SCNN1D: variants seen among roughly 807,000 people sequenced by gnomAD.
SCNN1D encodes epithelial sodium channel subunit delta.
In SCNN1D, 104 loss-of-function variants were observed where a neutral mutation model predicts 87.8. The observed-to-expected ratio is 1.18, with a 90% CI of 1.01 to 1.39. The LOEUF is 1.39. Ranked by LOEUF, SCNN1D falls within the 40% of genes most tolerant of loss-of-function variation. The pLI, the probability that SCNN1D is intolerant of heterozygous loss-of-function variation, is 0.00. For missense variants in SCNN1D, 1,324 were observed against 1,093.9 expected, an observed-to-expected ratio of 1.21 and a Z score of -2.97; for synonymous variants, 628 against 481.2, an observed-to-expected ratio of 1.31 and a Z score of -3.99.
In SCNN1D at chr1:1,285,921, C is replaced by G. The variant is rs764580272; in HGVS notation, c.559-5C>G. ...CGGGCCCTGCTGAGGCCACTCTGCA[C>G]ACAGGCTGCAGCCCAGACGCCCCCC... On this transcript the variant is annotated splice_polypyrimidine_tract_variant and splice_region_variant and intron_variant, in intron 6 of 17. Coordinates refer to ENST00000379116, the MANE Select transcript of SCNN1D (RefSeq NM_001130413.4). 3 of 1,542,274 alleles carry G rather than the reference C, an allele frequency of 1.9e-6. No homozygotes were observed. In the Admixed American group the frequency reaches 5.3e-5, roughly 27 times the overall value.
Position 1,291,254 on chromosome 1 carries a change from G to A in SCNN1D, c.2053G>A (p.Val685Met), listed in dbSNP as rs760272792. The A allele has an allele frequency of 3.8e-6, 6 of 1,559,282 alleles. No individual in the cohort carries two copies. The African/African-American group carries it at 8.2e-5, about 21-fold the overall frequency. The change falls in exon 18 of 18, where the codon GTG (valine) becomes ATG (methionine). Residue 685 changes from valine to methionine, a missense_variant and splice_region_variant. Val to Met is a conservative substitution (Grantham distance 21). Coordinates refer to ENST00000379116, the MANE Select transcript of SCNN1D (RefSeq NM_001130413.4). The part of the protein sequence containing the change: ...RSVEEAPVYS[V>M]PQLLSAMGSL... ...CCTCACACCCGCACCCCACCCGCAGGTGCCGCAGCTGCTCTCGGCCATGGG... is the reference window on the plus strand; with the variant it reads ...CCTCACACCCGCACCCCACCCGCAGATGCCGCAGCTGCTCTCGGCCATGGG...
Position 1,285,696 on chromosome 1 carries a change from T to C in SCNN1D, c.558+32T>C, listed in dbSNP as rs1376904523. Reference sequence around the variant, plus strand: ...CCTGAGCACCCTGTTCTCTGAGTCCTGCTGCCCCAGCAGCCCAAACTCAAA... The same window carrying C: ...CCTGAGCACCCTGTTCTCTGAGTCCCGCTGCCCCAGCAGCCCAAACTCAAA... On this transcript the variant is annotated intron_variant, in intron 6 of 17. Coordinates refer to ENST00000379116, the MANE Select transcript of SCNN1D (RefSeq NM_001130413.4). The C allele has an allele frequency of 4.7e-6, 7 of 1,474,896 alleles. No homozygotes were observed. The African/African-American group carries it at 8.5e-5, about 18-fold the overall frequency. 91.4% of individuals were successfully genotyped at this position (1,474,896 alleles called of 1,614,324 possible). A position where few individuals can be genotyped will look rare whatever the true frequency, so the allele number is the denominator to read the frequency against.
At chr1:1,281,894 C>G in intron 3 of SCNN1D, 1 of 568,384 alleles carries the variant, frequency 1.8e-6, no homozygotes, top group Admixed American at 3.4e-5. Flanking sequence ...CAGGCCACTC[C>G]CGGGGACACA....
At chr1:1,282,508 C>T (rs1640489317) in intron 4 of SCNN1D, among the ~76,000 whole-genome samples, 193 bp downstream of exon 4, 1 of 152,122 alleles carries the variant, frequency 6.6e-6, no homozygotes, top group South Asian at 2.1e-4. Context: ...ATCTAGGGTC[C>T]CACAGTAGAC....
chr1:1,290,496 C>T lies in SCNN1D; in HGVS notation c.1800C>T (p.Leu600=). Reference sequence around the variant, plus strand: ...CCCAAGGACACTGCTTCTACCGCCTCTACCAGGACCTGGAGACCCACCGGC... The same window carrying T: ...CCCAAGGACACTGCTTCTACCGCCTTTACCAGGACCTGGAGACCCACCGGC... ...HPAWGHCFYR[L]YQDLETHRLP... Residue 600 remains leucine, a synonymous_variant, in exon 14 of 18, where the codon CTC becomes CTT. Coordinates refer to ENST00000379116, the MANE Select transcript of SCNN1D (RefSeq NM_001130413.4). 6.2e-7 allele frequency: 1 copy of T among 1,612,724 alleles called. No individual in the cohort carries two copies. The highest frequency in any genetic ancestry group is 8.5e-7 in the Non-Finnish European group (1 of 1,179,918).
chr1:1,286,684 C>A, intron 7 of SCNN1D, 84 bp from the exon 8 acceptor site: 1 of 1,335,206 alleles, frequency 7.5e-7, no homozygotes, highest in Non-Finnish European at 1.0e-6. Context: ...GGAGGCACTG[C>A]TGTCCCGACA....
At chr1:1,284,316 A>G (rs1247517129) in intron 5 of SCNN1D, among the ~76,000 whole-genome samples, 1 of 52,386 alleles carries the variant, frequency 1.9e-5, no homozygotes, top group African/African-American at 7.8e-5. Flanking sequence ...GGTGGGGGGT[A>G]GGGGTGGGGG....
chr1:1,287,356 A>G (rs868047442), intron 9 of SCNN1D, 57 bp downstream of exon 9: 4 of 1,501,636 alleles, frequency 2.7e-6, no homozygotes, highest in East Asian at 2.4e-5. Context: ...GCGTGGCCGC[A>G]CCCCTGGGGT....
rs1640469125 is a variant in SCNN1D at position 1,281,452 on chromosome 1, G to A, written c.119G>A (p.Cys40Tyr). The A allele has an allele frequency of 6.6e-7, 1 of 1,519,816 alleles. No homozygotes were observed. The highest frequency in any genetic ancestry group is 8.8e-7 in the Non-Finnish European group (1 of 1,138,076). 94.1% of individuals were successfully genotyped at this position (1,519,816 alleles called of 1,614,324 possible). ...SWCSDHRTPT[C>Y]RELGSPHPTP... is the part of the protein sequence containing the mutation. ...TGCAGTGACCACAGGACCCCCACAT[G>A]CCGGGAGCTGGGTTCGCCCCACCCC... is the stretch of plus-strand genomic sequence containing the variant. The change falls in exon 3 of 18, where the codon TGC (cysteine) becomes TAC (tyrosine). Residue 40 changes from cysteine (C) to tyrosine (Y), a missense_variant. Transcript: ENST00000379116.
chr1:1,280,481 G>A lies in SCNN1D; in HGVS notation c.-181G>A, dbSNP rs1048689438. On this transcript the variant is annotated 5_prime_UTR_variant, in exon 1 of 18. Coordinates refer to ENST00000379116, the MANE Select transcript of SCNN1D (RefSeq NM_001130413.4). Reference sequence around the variant, plus strand: ...CATCTCAATAAATAAAAAAAAAAAAGAGTTGTTATCAGTAGAAGGGAATGT... The same window carrying A: ...CATCTCAATAAATAAAAAAAAAAAAAAGTTGTTATCAGTAGAAGGGAATGT... 3 of 468,446 alleles carry A rather than the reference G, an allele frequency of 6.4e-6. No homozygotes were observed. The highest frequency in any genetic ancestry group is 3.5e-5 in the Admixed American group (1 of 28,224). 29.0% of individuals were successfully genotyped at this position (468,446 alleles called of 1,614,324 possible). A position where few individuals can be genotyped will look rare whatever the true frequency, so the allele number is the denominator to read the frequency against.
Position 1,286,201 on chromosome 1 carries a change from G to T in SCNN1D, c.834G>T (p.Pro278=). 3 of 1,600,744 alleles carry T rather than the reference G, an allele frequency of 1.9e-6. No individual in the cohort carries two copies. The East Asian group carries it at 6.7e-5, about 36-fold the overall frequency. ...GLLFERHWHR[P]VLMAVSVHSE... ...TCTTTGAGCGTCACTGGCACCGCCC[G>T]GTCCTCATGGCCGTCTCTGTGCACT... The change falls in exon 7 of 18, where the codon CCG becomes CCT. Residue 278 remains proline (P), a synonymous_variant. Coordinates refer to ENST00000379116, the MANE Select transcript of SCNN1D (RefSeq NM_001130413.4).
At chr1:1,288,096 T>TGGGGGCAGGTGAGGCTGGGCTGGCAGG (rs1640646943) in intron 12 of SCNN1D, 59 bp downstream of exon 12, 1 of 146,466 alleles carries the variant, frequency 6.8e-6, no homozygotes, top group African/African-American at 7.0e-5. Context: ...CCAGGGGGTG[T>TGGGGGCAGGTGAGGCTGGGCTGGCAGG]GGGCGGGTGG....
rs1225740638 is a variant in SCNN1D at position 1,281,626 on chromosome 1, C to T, written c.277+16C>T. On this transcript the variant is annotated intron_variant, in intron 3 of 17. Coordinates refer to ENST00000379116, the MANE Select transcript of SCNN1D (RefSeq NM_001130413.4). ...TGTGGGACAGGTGACTGAACCTCAG[C>T]CCTTAGAGGCCTTGCCCGGGAGGAG... The T allele has an allele frequency of 6.5e-7, 1 of 1,530,766 alleles. No homozygotes were observed. Among genetic ancestry groups the T allele is most frequent in the Admixed American group, 2.0e-5 (1 of 50,080 alleles). The allele number at this position is 1,530,766 out of a possible 1,614,324, so 94.8% of individuals were successfully genotyped here. A position where few individuals can be genotyped will look rare whatever the true frequency, so the allele number is the denominator to read the frequency against.
Position 1,286,248 on chromosome 1 carries a change from T to C in SCNN1D, c.881T>C (p.Leu294Pro). Residue 294 changes from leucine (L) to proline (P), a missense_variant, in exon 7 of 18, where the codon CTG becomes CCG. Transcript: ENST00000379116. Reference sequence around the variant, plus strand: ...CACTCGGAGCGCAAGCTGCTCCCGCTGGTCACCCTGTGTGACGGGAACCCA... The same window carrying C: ...CACTCGGAGCGCAAGCTGCTCCCGCCGGTCACCCTGTGTGACGGGAACCCA... The part of the protein sequence containing the change: ...SVHSERKLLP[L>P]VTLCDGNPRR... The C allele has an allele frequency of 6.3e-7, 1 of 1,591,330 alleles. No homozygotes were observed. The highest frequency in any genetic ancestry group is 8.5e-7 in the Non-Finnish European group (1 of 1,174,146).
chr1:1,286,628 A>G (rs1404329876), intron 7 of SCNN1D, 140 bp from the exon 8 acceptor site: 4 of 819,174 alleles, frequency 4.9e-6, no homozygotes, highest in African/African-American at 3.5e-5. Flanking sequence ...ACGGCCTCCA[A>G]CTCCAGCTCT....
chr1:1,290,755 C>G, intron 15 of SCNN1D, 61 bp downstream of exon 15: 3 of 1,599,658 alleles, frequency 1.9e-6, no homozygotes, highest in Non-Finnish European at 2.6e-6. Flanking sequence ...ACAGGTCCCA[C>G]AGAGCCCACC....
In SCNN1D at chr1:1,280,628, T is replaced by C. The variant is rs900105581; in HGVS notation, c.-34T>C. The stretch of plus-strand genomic sequence containing the variant: ...TCAGACTCAAGGCCTGAGGTGATGC[T>C]GATGCTGTGCCTGAATTCCAGCAGG... On this transcript the variant is annotated 5_prime_UTR_variant, in exon 1 of 18. Coordinates refer to ENST00000379116, the MANE Select transcript of SCNN1D (RefSeq NM_001130413.4). 1 of 699,900 alleles carries C rather than the reference T, an allele frequency of 1.4e-6. No individual in the cohort carries two copies. 43.4% of individuals were successfully genotyped at this position (699,900 alleles called of 1,614,324 possible).
Position 1,290,606 on chromosome 1 carries a change from G to A in SCNN1D, c.1860-31G>A, listed in dbSNP as rs13306650. ...GCCAGGGATCATTGCCCCAGGTAGC[G>A]TGGCAGGTGACACCCGGCTGTCTCT... On this transcript the variant is annotated intron_variant, in intron 14 of 17. Transcript: ENST00000379116. The A allele has an allele frequency of 4.9e-4, 786 of 1,612,604 alleles. 5 individuals carry two copies. In the East Asian group the frequency reaches 8.8e-3, roughly 18 times the overall value.
chr1:1,284,460 C>T (rs1371755368), intron 5 of SCNN1D, among the ~76,000 whole-genome samples: 2 of 151,744 alleles, frequency 1.3e-5, no homozygotes, highest in Admixed American at 1.3e-4. Flanking sequence ...TCCCTGAGTG[C>T]CTCCTTATCC....
Sources: gnomAD v4.1 joint callset for allele counts (sites outside exome capture counted in the v4.1 genomes callset) on GRCh38, gnomAD v4.1.1 for gene constraint, MANE v1.5 for transcripts, NCBI Gene and HGNC (gene_info 2026-07-23, HGNC 2026-07-21) for gene names.